The following TBX2 variants were observed in gnomAD, a reference collection of about 807,000 sequenced individuals.
TBX2 encodes the protein T-box transcription factor 2.
Under a neutral mutation model 48.4 loss-of-function variants are expected in TBX2, and 19 were observed. The observed-to-expected ratio is 0.39, with a 90% CI of 0.27 to 0.58. TBX2 has a LOEUF of 0.58. Ranked by LOEUF, TBX2 falls within the 20% of genes least tolerant of loss-of-function variation. TBX2 has a pLI of 0.54. For missense variants in TBX2, 994 were observed against 1,006.5 expected (o/e 0.99, Z 0.17); for synonymous variants, 522 against 459.7 (o/e 1.14, Z -1.73).
chr17:61,408,545 G>T lies in TBX2; in HGVS notation c.*39G>T. 1 of 1,424,226 alleles carries T rather than the reference G, an allele frequency of 7.0e-7. No homozygotes were observed. Among genetic ancestry groups the T allele is most frequent in the Non-Finnish European group, 9.2e-7 (1 of 1,090,742 alleles). The allele number at this position is 1,424,226 out of a possible 1,614,324, so 88.2% of individuals were successfully genotyped here. ...TGCTCCCCTGCCACGCAGGCCACCC[G>T]GGCTGCCTGCCCCTGCTGCTTGGGA... On this transcript the variant is annotated 3_prime_UTR_variant, in exon 7 of 7. Coordinates refer to ENST00000240328, the MANE Select transcript of TBX2 (RefSeq NM_005994.4).
In TBX2 at chr17:61,404,731, G is replaced by A. The variant is rs1197921404; in HGVS notation, c.1013G>A (p.Gly338Asp). Reference protein sequence around the residue: ...PPAREPPTSPGAAPSPLRLHR... With the variant: ...PPAREPPTSPDAAPSPLRLHR... Reference sequence around the variant, plus strand: ...GCGCGGGAACCACCCACCTCCCCGGGCGCAGCGCCCAGTCCGCTGCGCCTG... The same window carrying A: ...GCGCGGGAACCACCCACCTCCCCGGACGCAGCGCCCAGTCCGCTGCGCCTG... The change falls in exon 5 of 7, where the codon GGC becomes GAC. Residue 338 changes from glycine (G) to aspartate (D), a missense_variant. Around this residue, in one of 5 missense-constraint regions of TBX2, gnomAD observed 639 missense variants for 613.2 expected, o/e 1.04. Coordinates refer to ENST00000240328, the MANE Select transcript of TBX2 (RefSeq NM_005994.4). The A allele has an allele frequency of 1.3e-6, 2 of 1,553,600 alleles. No individual in the cohort carries two copies. The highest frequency in any genetic ancestry group is 1.7e-6 in the Non-Finnish European group (2 of 1,150,698).
At chr17:61,402,456 CAGGCAGATGCCCAACT>C (rs1322054219) in intron 2 of TBX2, among the ~76,000 whole-genome samples, 4 of 150,118 alleles carry the variant, frequency 2.7e-5, no homozygotes, top group Non-Finnish European at 5.9e-5. Context: ...CCTCCTCCCA[CAGGCAGATGCCCAACT>C]AGGAGGAGAG....
chr17:61,408,194 C>T lies in TBX2; in HGVS notation c.1827C>T (p.Ser609=), dbSNP rs1057987. 1,084,968 of 1,612,504 alleles carry T rather than the reference C, an allele frequency of 0.67. 379,031 individuals are homozygous for T. Among genetic ancestry groups the T allele is most frequent in the Non-Finnish European group, 0.73 (862,527 of 1,179,754 alleles). The change falls in exon 7 of 7, where the codon AGC becomes AGT. Residue 609 remains serine, a synonymous_variant. Coordinates refer to ENST00000240328, the MANE Select transcript of TBX2 (RefSeq NM_005994.4). Reference sequence around the variant, plus strand: ...CAGCCGCCGGCTCCCTCTCCCGGAGCCCCTTCCTGGGCAGTGCCCGGCCCC... The same window carrying T: ...CAGCCGCCGGCTCCCTCTCCCGGAGTCCCTTCCTGGGCAGTGCCCGGCCCC... The part of the protein sequence containing the change: ...AAAAAGSLSR[S]PFLGSARPRL...
rs2060299915 is a variant in TBX2, at chr17:61,409,213, C to G, written c.*707C>G. The stretch of plus-strand genomic sequence containing the variant: ...ACATATATTTAGAGATTAACTCATA[C>G]ATTTAAAGTTTTTTTCATTTTACGT... On this transcript the variant is annotated 3_prime_UTR_variant, in exon 7 of 7. Transcript: ENST00000240328. The G allele has an allele frequency of 6.6e-6, 1 of 152,498 alleles. No individual in the cohort carries two copies. The highest frequency in any genetic ancestry group is 2.1e-4 in the South Asian group (1 of 4,830). 9.4% of individuals were successfully genotyped at this position (152,498 alleles called of 1,614,324 possible).
intron 1 of TBX2, among the ~76,000 whole-genome samples, chr17:61,401,360 A>G (rs896132994): frequency 2.0e-5 from 3 of 152,240 alleles, no homozygotes; most frequent in African/African-American, 4.8e-5. Flanking sequence ...AGAAGCGAGA[A>G]TATTTCTAGA....
chr17:61,403,315 C>A lies in TBX2; in HGVS notation c.810+108C>A. On this transcript the variant is annotated intron_variant, in intron 3 of 6. Transcript: ENST00000240328. The surrounding 1 kb of genome is among the most constrained non-coding windows in gnomAD (Gnocchi z 5.8). ...CGAAGCCCCCTGCACGGGATCCGCGCTCTTGCGGCCCGCCCCCGAGCACCG... is the reference window on the plus strand; with the variant it reads ...CGAAGCCCCCTGCACGGGATCCGCGATCTTGCGGCCCGCCCCCGAGCACCG... 4 of 1,500,228 alleles carry A rather than the reference C, an allele frequency of 2.7e-6. No individual in the cohort carries two copies. The highest frequency in any genetic ancestry group is 2.3e-4 in the Middle Eastern group (1 of 4,346). 92.9% of individuals were successfully genotyped at this position (1,500,228 alleles called of 1,614,324 possible). A position where few individuals can be genotyped will look rare whatever the true frequency, so the allele number is the denominator to read the frequency against.
chr17:61,407,961 G>A, intron 6 of TBX2, 93 bp from the exon 7 acceptor site: 1 of 1,445,030 alleles, frequency 6.9e-7, no homozygotes, highest in Non-Finnish European at 9.2e-7. Context: ...CCCTAAAACA[G>A]AAGGGCACGG....
intron 5 of TBX2, 61 bp from the exon 6 acceptor site, chr17:61,405,141 C>T: frequency 3.4e-6 from 5 of 1,472,488 alleles, no homozygotes; most frequent in Non-Finnish European, 4.5e-6. Flanking sequence ...CCCGAGTGTC[C>T]CTGATCCTGC....
rs918388666 is a variant in TBX2 at position 61,405,392 on chromosome 17, C to A, written c.1242C>A (p.Asp414Glu). 1 of 1,528,426 alleles carries A rather than the reference C, an allele frequency of 6.5e-7. No individual in the cohort carries two copies. The highest frequency in any genetic ancestry group is 8.8e-7 in the Non-Finnish European group (1 of 1,141,730). The allele number at this position is 1,528,426 out of a possible 1,614,324, so 94.7% of individuals were successfully genotyped here. The change falls in exon 6 of 7, where the codon GAC becomes GAA. Residue 414 changes from aspartate to glutamate, a missense_variant. By Grantham distance (45) the Asp-to-Glu change is conservative (BLOSUM62 2). Transcript: ENST00000240328. ...RGKEPAESGG[D>E]GPFGLRSLEK... ...AGGAGCCGGCCGAGAGCGGCGGGGA[C>A]GGCCCGTTCGGCCTGAGGAGCCTGG...
In TBX2 at chr17:61,403,269, A is replaced by C. The variant is rs558487399; in HGVS notation, c.810+62A>C. 1.9e-6 allele frequency: 3 copies of C among 1,581,212 alleles called. No individual in the cohort carries two copies. Among genetic ancestry groups the C allele is most frequent in the Non-Finnish European group, 2.6e-6 (3 of 1,171,520 alleles). On this transcript the variant is annotated intron_variant, in intron 3 of 6. Coordinates refer to ENST00000240328, the MANE Select transcript of TBX2 (RefSeq NM_005994.4). The surrounding 1 kb of genome is among the most constrained non-coding windows in gnomAD (Gnocchi z 5.8). ...GACGCCCCTCAACACGTGCAGGCCCAACCGTCCGTTCATCGCCCCTCGAAG... is the reference window on the plus strand; with the variant it reads ...GACGCCCCTCAACACGTGCAGGCCCCACCGTCCGTTCATCGCCCCTCGAAG...
At chr17:61,404,797 G>A in intron 5 of TBX2, 28 bp downstream of exon 5, 3 of 1,487,396 alleles carry the variant, frequency 2.0e-6, no homozygotes, top group Middle Eastern at 1.7e-4. Flanking sequence ...GGAGGGACAG[G>A]GAGGTGGCGG....
rs2060299337 is a variant in TBX2, at chr17:61,409,023, C to T, written c.*517C>T. ...CTCTTCCCTGAAGAGACAGGCACCCCTCCCAGCCGTGGTCAACGGAGGGAG... is the reference window on the plus strand; with the variant it reads ...CTCTTCCCTGAAGAGACAGGCACCCTTCCCAGCCGTGGTCAACGGAGGGAG... On this transcript the variant is annotated 3_prime_UTR_variant, in exon 7 of 7. Transcript: ENST00000240328. 1 of 153,616 alleles carries T rather than the reference C, an allele frequency of 6.5e-6. No individual in the cohort carries two copies. The highest frequency in any genetic ancestry group is 6.5e-5 in the Admixed American group (1 of 15,314). 9.5% of individuals were successfully genotyped at this position (153,616 alleles called of 1,614,324 possible).
At position 61,408,119 on chromosome 17, in the gene TBX2, C is replaced by T. The variant is rs776891087; in HGVS notation, c.1752C>T (p.Ala584=). Residue 584 remains alanine, a synonymous_variant, in exon 7 of 7, where the codon GCC becomes GCT. Coordinates refer to ENST00000240328, the MANE Select transcript of TBX2 (RefSeq NM_005994.4). ...PYPYTYMAAA[A]AAASALPATS... ...CCTACACCTACATGGCAGCAGCAGC[C>T]GCAGCCGCCTCGGCTTTGCCCGCCA... The T allele has an allele frequency of 2.7e-5, 44 of 1,610,830 alleles. No homozygotes were observed. The highest frequency in any genetic ancestry group is 2.7e-5 in the African/African-American group (2 of 74,994).
rs938145578 is a variant in TBX2 at position 61,406,804 on chromosome 17, G to C, written c.1686+968G>C. ...AGTTTTACACACAGCTCAGTGTTAG[G>C]GTGTGTGGAGTGTTTGAGGTATCAC... On this transcript the variant is annotated intron_variant, in intron 6 of 6. Transcript: ENST00000240328. The surrounding 1 kb of genome is among the most constrained non-coding windows in gnomAD (Gnocchi z 5.7). 4 of 152,158 alleles carry C rather than the reference G, an allele frequency of 2.6e-5. No homozygotes were observed. The highest frequency in any genetic ancestry group is 2.0e-4 in the Admixed American group (3 of 15,268). 9.4% of individuals were successfully genotyped at this position (152,158 alleles called of 1,614,324 possible). A position where few individuals can be genotyped will look rare whatever the true frequency, so the allele number is the denominator to read the frequency against.
chr17:61,402,011 A>T (rs1259620088), intron 2 of TBX2, 60 bp downstream of exon 2: 1 of 1,525,850 alleles, frequency 6.6e-7, no homozygotes, highest in Non-Finnish European at 8.8e-7. Context: ...ACTGCAGCTG[A>T]GCAGGAGAGC....
chr17:61,406,013 G>A lies in TBX2; in HGVS notation c.1686+177G>A, dbSNP rs2060287655. 1.7e-6 allele frequency: 1 copy of A among 604,210 alleles called. No homozygotes were observed. The highest frequency in any genetic ancestry group is 2.4e-6 in the Non-Finnish European group (1 of 416,604). The allele number at this position is 604,210 out of a possible 1,614,324, so 37.4% of individuals were successfully genotyped here. ...GGACACCTGGGTTCTGAGAGACGAG[G>A]ACTGTGTTGTAAGTCCAGGGGCTGG... On this transcript the variant is annotated intron_variant, in intron 6 of 6. Transcript: ENST00000240328. The surrounding 1 kb of genome is among the most constrained non-coding windows in gnomAD (Gnocchi z 5.7).
In TBX2 at chr17:61,405,195, C is replaced by A; in HGVS notation, c.1052-7C>A. On this transcript the variant is annotated splice_polypyrimidine_tract_variant and splice_region_variant and intron_variant, in intron 5 of 6. Coordinates refer to ENST00000240328, the MANE Select transcript of TBX2 (RefSeq NM_005994.4). ...GCCCCTGTAATCCGCGCGCCCTCTCCCCGCAGCTGAGGAGAAGTCGTGCGC... is the reference window on the plus strand; with the variant it reads ...GCCCCTGTAATCCGCGCGCCCTCTCACCGCAGCTGAGGAGAAGTCGTGCGC... The A allele has an allele frequency of 1.3e-6, 2 of 1,504,150 alleles. No homozygotes were observed. Among genetic ancestry groups the A allele is most frequent in the Non-Finnish European group, 1.8e-6 (2 of 1,133,950 alleles). The allele number at this position is 1,504,150 out of a possible 1,614,324, so 93.2% of individuals were successfully genotyped here.
Position 61,404,672 on chromosome 17 carries a change from G to T in TBX2, c.954G>T (p.Ala318=), listed in dbSNP as rs765368031. The T allele has an allele frequency of 1.9e-6, 3 of 1,587,372 alleles. No individual in the cohort carries two copies. In the Admixed American group the frequency reaches 5.3e-5, roughly 28 times the overall value. The change falls in exon 5 of 7, where the codon GCG becomes GCT. Residue 318 remains alanine, a synonymous_variant. Coordinates refer to ENST00000240328, the MANE Select transcript of TBX2 (RefSeq NM_005994.4). ...ACTGCAAACCCGAGCGCGATGGCGC[G>T]GAGTCAGACGCCTCGTCGTGCGACC... ...EEHCKPERDG[A]ESDASSCDPP... is the part of the protein sequence containing the mutation.
Position 61,401,700 on chromosome 17 carries a change from T to G in TBX2, c.412T>G (p.Phe138Val). 8 of 1,612,262 alleles carry G rather than the reference T, an allele frequency of 5.0e-6. No homozygotes were observed. In the South Asian group the frequency reaches 8.8e-5, roughly 18 times the overall value. The part of the protein sequence containing the change: ...TKSGRRMFPP[F>V]KVRVSGLDKK... Reference sequence around the variant, plus strand: ...CCCTCCCAGGCGGATGTTCCCCCCCTTCAAGGTGCGAGTCAGCGGCCTGGA... The same window carrying G: ...CCCTCCCAGGCGGATGTTCCCCCCCGTCAAGGTGCGAGTCAGCGGCCTGGA... Residue 138 changes from phenylalanine to valine, a missense_variant, in exon 2 of 7, where the codon TTC (phenylalanine) becomes GTC (valine). Phe to Val is a conservative substitution (Grantham distance 50). This residue lies in a region of TBX2 where 153 missense variants were observed against 166.2 expected (regional missense o/e 0.92). Transcript: ENST00000240328.
Sources: gnomAD v4.1 joint callset for allele counts (sites outside exome capture counted in the v4.1 genomes callset) on GRCh38, gnomAD v4.1.1 for gene constraint, gnomAD v4.1.1 regional missense constraint, Gnocchi (gnomAD v3.1) non-coding constraint, MANE v1.5 for transcripts, NCBI Gene and HGNC (gene_info 2026-07-23, HGNC 2026-07-21) for gene names.